The following WDR48 variants were observed in gnomAD, a reference collection of about 807,000 sequenced individuals.
WDR48 encodes WD repeat domain 48.
A neutral mutation model predicts 94.0 loss-of-function variants in WDR48; 22 were observed. That is an observed-to-expected ratio of 0.23 (90% CI 0.17 to 0.33). The LOEUF (loss-of-function observed/expected upper bound fraction) is 0.33, where lower values mean the gene tolerates loss of function less well. WDR48 is among the 10% of genes least tolerant of loss of function. WDR48 has a pLI of 1.00. For synonymous variants in WDR48, 278 were observed against 280.5 expected (o/e 0.99, Z 0.09); for missense variants, 541 against 813.8 (o/e 0.66, Z 4.08).
At chr3:39,092,762 G>C (rs1194635373) in intron 17 of WDR48, among the ~76,000 whole-genome samples, 1 of 151,798 alleles carries the variant, frequency 6.6e-6, no homozygotes, top group Non-Finnish European at 1.5e-5. Context: ...AACTTATATA[G>C]AAAGAAGCTA....
rs570456602 is a variant in WDR48 at position 39,094,793 on chromosome 3, C to T, written c.*50C>T. On this transcript the variant is annotated 3_prime_UTR_variant, in exon 19 of 19. Transcript: ENST00000302313. ...TTCATTTACGACCTTCCTCTATGGCCCCAAGAGTAGTCCTAGGAAGCCCAC... is the reference window on the plus strand; with the variant it reads ...TTCATTTACGACCTTCCTCTATGGCTCCAAGAGTAGTCCTAGGAAGCCCAC... The T allele has an allele frequency of 2.5e-6, 4 of 1,607,406 alleles. No individual in the cohort carries two copies. The highest frequency in any genetic ancestry group is 2.5e-6 in the Non-Finnish European group (3 of 1,177,342).
intron 1 of WDR48, 110 bp downstream of exon 1, chr3:39,052,183 ACGGGG>A: frequency 1.4e-6 from 2 of 1,380,148 alleles, no homozygotes; most frequent in Non-Finnish European, 2.0e-6. Context: ...CATGGGGCGA[ACGGGG>A]CGGGGCGCGG....
chr3:39,069,566 G>A, intron 6 of WDR48, 77 bp from the exon 7 acceptor site: 1 of 1,248,576 alleles, frequency 8.0e-7, no homozygotes, highest in Non-Finnish European at 1.1e-6. Context: ...GTTATCATTT[G>A]ACTTATGAGA....
rs1470589226 is a variant in WDR48 at position 39,084,196 on chromosome 3, T to C, written c.1215T>C (p.Asp405=). Residue 405 remains aspartate, a synonymous_variant, in exon 12 of 19, where the codon GAT becomes GAC. Coordinates refer to ENST00000302313, the MANE Select transcript of WDR48 (RefSeq NM_020839.4). The part of the protein sequence containing the change: ...VEDLGKVDFE[D]EIKKRFKMVY... ...ATCTGGGCAAAGTGGATTTTGAAGA[T>C]GAAATTAAGAAAAGATTTAAAATGG... The C allele has an allele frequency of 6.2e-7, 1 of 1,612,354 alleles. No homozygotes were observed. The highest frequency in any genetic ancestry group is 8.5e-7 in the Non-Finnish European group (1 of 1,179,028).
At chr3:39,063,263 T>C (rs1403792483) in intron 2 of WDR48, 73 bp downstream of exon 2, 1 of 1,549,926 alleles carries the variant, frequency 6.5e-7, no homozygotes, top group African/African-American at 1.4e-5. Flanking sequence ...ATGACACTTT[T>C]CACAGTTTCA....
At chr3:39,070,360 C>T (rs2293309) in intron 7 of WDR48, among the ~76,000 whole-genome samples, 13,715 of 152,116 alleles carry the variant, frequency 0.09, 745 homozygotes, top group Admixed American at 0.14. Context: ...TACCATGTAC[C>T]CTTGACTCAG....
intron 1 of WDR48, among the ~76,000 whole-genome samples, chr3:39,056,661 A>G (rs1403609354): frequency 5.3e-5 from 8 of 152,240 alleles, no homozygotes; most frequent in Admixed American, 2.0e-4. Flanking sequence ...ACTTACAGCA[A>G]TGCTTTCAAG....
intron 2 of WDR48, 43 bp from the exon 3 acceptor site, chr3:39,065,768 C>G (rs768314406): frequency 7.2e-7 from 1 of 1,381,606 alleles, no homozygotes; most frequent in South Asian, 1.3e-5. Context: ...TAATATATTT[C>G]ATTCTCTCAT....
chr3:39,079,604 C>G (rs2034413936), intron 10 of WDR48, 107 bp from the exon 11 acceptor site: 2 of 719,020 alleles, frequency 2.8e-6, no homozygotes, highest in Non-Finnish European at 4.5e-6. Flanking sequence ...TTTCTAGTAG[C>G]TAGTACAGTT....
At chr3:39,081,836 T>G (rs1228379994) in intron 11 of WDR48, among the ~76,000 whole-genome samples, 3 of 152,230 alleles carry the variant, frequency 2.0e-5, no homozygotes, top group African/African-American at 4.8e-5. Context: ...TGGGAGGTAC[T>G]TCTACTTAGA....
rs572378570 is a variant in WDR48, at chr3:39,064,360, T to TG, written c.189+1171dup. ...GCGATCTTGGCTCACTGCAACCTCT[T>TG]GACTCCTGGCTTCAATCAATTTTCC... On this transcript the variant is annotated intron_variant, in intron 2 of 18. Transcript: ENST00000302313. Among the ~76,000 whole-genome samples, 344 of 151,958 alleles carry TG rather than the reference T, an allele frequency of 2.3e-3. 2 individuals carry two copies. The highest frequency in any genetic ancestry group is 2.5e-3 in the Non-Finnish European group (167 of 67,926).
chr3:39,063,387 A>G (rs1461009288), intron 2 of WDR48, among the ~76,000 whole-genome samples, 197 bp downstream of exon 2: 1 of 152,196 alleles, frequency 6.6e-6, no homozygotes, highest in African/African-American at 2.4e-5. Context: ...GAAGTGTTTC[A>G]GCTAAGACAA....
At chr3:39,092,878 C>CACACACACACAT (rs1284549098) in intron 17 of WDR48, among the ~76,000 whole-genome samples, 7 of 146,234 alleles carry the variant, frequency 4.8e-5, no homozygotes, top group Admixed American at 3.4e-4. Context: ...TCTCTGTCTA[C>CACACACACACAT]ACACACACAC....
chr3:39,086,101 G>A (rs1283580319), intron 14 of WDR48, among the ~76,000 whole-genome samples: 1 of 152,204 alleles, frequency 6.6e-6, no homozygotes, highest in Non-Finnish European at 1.5e-5. Flanking sequence ...ACTCAGAAGT[G>A]ACAGGGCATA....
At chr3:39,059,879 A>G (rs890074028) in intron 1 of WDR48, among the ~76,000 whole-genome samples, 1 of 152,110 alleles carries the variant, frequency 6.6e-6, no homozygotes, top group Non-Finnish European at 1.5e-5. Flanking sequence ...TTTGTCTTTG[A>G]TTATTTATGG....
intron 16 of WDR48, chr3:39,091,421 A>G: frequency 2.4e-6 from 1 of 411,254 alleles, no homozygotes; most frequent in Non-Finnish European, 4.4e-6. Context: ...ACAATTTCAT[A>G]TTACCTCTAA....
chr3:39,075,778 C>T (rs1325132677), intron 8 of WDR48, among the ~76,000 whole-genome samples: 1 of 151,654 alleles, frequency 6.6e-6, no homozygotes, highest in Admixed American at 6.6e-5. Flanking sequence ...ACTGCAAGTT[C>T]CACCTCCCAG....
chr3:39,052,433 C>G (rs1303891350), intron 1 of WDR48: 2 of 224,872 alleles, frequency 8.9e-6, no homozygotes, highest in Non-Finnish European at 1.8e-5. Flanking sequence ...CTCGCTGCGT[C>G]GGAGCCGAGG....
Position 39,089,453 on chromosome 3 carries a change from A to C in WDR48, c.1668+135A>C, listed in dbSNP as rs1353271841. ...GTGGAATCCCCATCTGCTTCCTTGC[A>C]GTTCCAAAGTTGCAGAAATAGTACT... On this transcript the variant is annotated intron_variant, in intron 16 of 18. Coordinates refer to ENST00000302313, the MANE Select transcript of WDR48 (RefSeq NM_020839.4). The C allele has an allele frequency of 1.5e-5, 10 of 646,210 alleles. No individual in the cohort carries two copies. In the East Asian group the frequency reaches 3.0e-4, roughly 19 times the overall value. 40.0% of individuals were successfully genotyped at this position (646,210 alleles called of 1,614,324 possible).
Sources: gnomAD v4.1 joint callset for allele counts (sites outside exome capture counted in the v4.1 genomes callset) on GRCh38, gnomAD v4.1.1 for gene constraint, MANE v1.5 for transcripts, NCBI Gene and HGNC (gene_info 2026-07-23, HGNC 2026-07-21) for gene names.